Variants in ZNF548 observed in about 807,000 individuals in gnomAD.
ZNF548 encodes the protein zinc finger protein 548.
Under a neutral mutation model 10.2 loss-of-function variants are expected in ZNF548, and 10 were observed. The ratio of observed to expected loss-of-function variants is 0.98; its 90% CI spans 0.60 to 1.66. ZNF548 has a LOEUF of 1.66. Among genes scored for constraint, ZNF548 ranks in the 40% most tolerant of loss-of-function variants. The pLI is 0.00. For missense variants in ZNF548, 599 were observed against 657.0 expected (o/e 0.91, Z 0.97); for synonymous variants, 217 against 223.5 (o/e 0.97, Z 0.26).
chr19:57,391,323 G>T (rs2088623144), intron 1 of ZNF548, among the ~76,000 whole-genome samples: 1 of 149,216 alleles, frequency 6.7e-6, no homozygotes, highest in African/African-American at 2.5e-5. Context: ...TGGCCTAGTG[G>T]TATTACCTTG....
rs2088682968 is a variant in ZNF548 at position 57,398,456 on chromosome 19, G to A, written c.205G>A (p.Glu69Lys). 1.2e-6 allele frequency: 2 copies of A among 1,613,982 alleles called. No individual in the cohort carries two copies. Among genetic ancestry groups the A allele is most frequent in the Non-Finnish European group, 1.7e-6 (2 of 1,179,870 alleles). Residue 69 changes from glutamate (E) to lysine (K), a missense_variant, in exon 4 of 4, where the codon GAG becomes AAG. Transcript: ENST00000336128. ...LGSWHGAEDE[E>K]APSQQGFSVG... is the part of the protein sequence containing the mutation. ...TTCTTGGCATGGAGCTGAGGATGAG[G>A]AGGCACCTTCACAGCAAGGTTTTTC...
chr19:57,389,898 TG>T lies in ZNF548; in HGVS notation c.-200del. 1.8e-6 allele frequency: 1 copy of T among 569,210 alleles called. No homozygotes were observed. Among genetic ancestry groups the T allele is most frequent in the Non-Finnish European group, 3.0e-6 (1 of 332,010 alleles). The allele number at this position is 569,210 out of a possible 1,614,324, so 35.3% of individuals were successfully genotyped here. A position where few individuals can be genotyped will look rare whatever the true frequency, so the allele number is the denominator to read the frequency against. On this transcript the variant is annotated 5_prime_UTR_variant, in exon 1 of 4. Coordinates refer to ENST00000336128, the MANE Select transcript of ZNF548 (RefSeq NM_001172773.2). ...TGGTGGTGGTCGTTTTGGTTCTGTG[TG>T]GTGTTTCACCAACTTCGGCCTATGG...
At chr19:57,391,241 C>T (rs529814920) in intron 1 of ZNF548, among the ~76,000 whole-genome samples, 2 of 150,282 alleles carry the variant, frequency 1.3e-5, no homozygotes, top group East Asian at 3.9e-4. Context: ...TGAGTTGTTT[C>T]ATTTAATAAT....
chr19:57,402,733 A>C lies in ZNF548; in HGVS notation c.*2844A>C, dbSNP rs1297893193. On this transcript the variant is annotated 3_prime_UTR_variant, in exon 4 of 4. Transcript: ENST00000336128. ...GTTAACATGATAACTCAGTAGAGCA[A>C]TGCTTTGGAGATTAGCTTTTTAGGG... 6.6e-6 allele frequency: 1 copy of C among 152,210 alleles called. No homozygotes were observed. Among genetic ancestry groups the C allele is most frequent in the East Asian group, 1.9e-4 (1 of 5,200 alleles). 9.4% of individuals were successfully genotyped at this position (152,210 alleles called of 1,614,324 possible).
chr19:57,389,897 G>T lies in ZNF548; in HGVS notation c.-203G>T. ...CTGGTGGTGGTCGTTTTGGTTCTGT[G>T]TGGTGTTTCACCAACTTCGGCCTAT... On this transcript the variant is annotated 5_prime_UTR_variant, in exon 1 of 4. Transcript: ENST00000336128. 1 of 566,776 alleles carries T rather than the reference G, an allele frequency of 1.8e-6. No homozygotes were observed. 35.1% of individuals were successfully genotyped at this position (566,776 alleles called of 1,614,324 possible). A position where few individuals can be genotyped will look rare whatever the true frequency, so the allele number is the denominator to read the frequency against.
intron 1 of ZNF548, among the ~76,000 whole-genome samples, chr19:57,391,080 C>A (rs910807015): frequency 1.3e-5 from 2 of 152,108 alleles, no homozygotes; most frequent in Non-Finnish European, 1.5e-5. Context: ...ACATTGTATC[C>A]ATTAAGTAAT....
chr19:57,394,192 C>T lies in ZNF548; in HGVS notation c.20C>T (p.Pro7Leu). 6.2e-7 allele frequency: 1 copy of T among 1,604,196 alleles called. No individual in the cohort carries two copies. The highest frequency in any genetic ancestry group is 8.5e-7 in the Non-Finnish European group (1 of 1,179,368). Residue 7 changes from proline (P) to leucine (L), a missense_variant, in exon 2 of 4, where the codon CCC (proline) becomes CTC (leucine). Coordinates refer to ENST00000336128, the MANE Select transcript of ZNF548 (RefSeq NM_001172773.2). ...ACGGCCTTTCTCTTCCCTCAGGGTCCCCTGGCGATGGCAGAAATGGACCCT... is the reference window on the plus strand; with the variant it reads ...ACGGCCTTTCTCTTCCCTCAGGGTCTCCTGGCGATGGCAGAAATGGACCCT... MNLTEG[P>L]LAMAEMDPTQ...
At position 57,400,093 on chromosome 19, in the gene ZNF548, T is replaced by A. The variant is rs2088703207; in HGVS notation, c.*204T>A. ...AGGTACCAATAGATATCTATGAATTTGATATATATTTGTACCTCATATAAG... is the reference window on the plus strand; with the variant it reads ...AGGTACCAATAGATATCTATGAATTAGATATATATTTGTACCTCATATAAG... On this transcript the variant is annotated 3_prime_UTR_variant, in exon 4 of 4. Coordinates refer to ENST00000336128, the MANE Select transcript of ZNF548 (RefSeq NM_001172773.2). 5.7e-6 allele frequency: 3 copies of A among 523,692 alleles called. No individual in the cohort carries two copies. Among genetic ancestry groups the A allele is most frequent in the African/African-American group, 5.7e-5 (3 of 52,980 alleles). 32.4% of individuals were successfully genotyped at this position (523,692 alleles called of 1,614,324 possible).
Position 57,398,906 on chromosome 19 carries a change from A to G in ZNF548, c.655A>G (p.Thr219Ala). ...YKCSECGKTFTCSYSFVEHQK... is the reference protein window; with the variant it reads ...YKCSECGKTFACSYSFVEHQK... ...ATGTAGTGAATGTGGGAAAACCTTC[A>G]CCTGCAGCTATTCATTTGTTGAGCA... The change falls in exon 4 of 4, where the codon ACC (threonine) becomes GCC (alanine). Residue 219 changes from threonine to alanine, a missense_variant. Coordinates refer to ENST00000336128, the MANE Select transcript of ZNF548 (RefSeq NM_001172773.2). 6.2e-7 allele frequency: 1 copy of G among 1,614,056 alleles called. No homozygotes were observed. The highest frequency in any genetic ancestry group is 8.5e-7 in the Non-Finnish European group (1 of 1,179,904).
At position 57,401,147 on chromosome 19, in the gene ZNF548, C is replaced by T. The variant is rs1437640894; in HGVS notation, c.*1258C>T. 2.0e-5 allele frequency: 3 copies of T among 152,118 alleles called. No homozygotes were observed. The highest frequency in any genetic ancestry group is 2.0e-4 in the Admixed American group (3 of 15,284). 9.4% of individuals were successfully genotyped at this position (152,118 alleles called of 1,614,324 possible). ...TGCTTTTTACATATTACCTCCCAGTCCATAGGTTGCTTTTTCGCTCTGTTG... is the reference window on the plus strand; with the variant it reads ...TGCTTTTTACATATTACCTCCCAGTTCATAGGTTGCTTTTTCGCTCTGTTG... On this transcript the variant is annotated 3_prime_UTR_variant, in exon 4 of 4. Transcript: ENST00000336128.
chr19:57,392,805 G>A (rs2088636254), intron 1 of ZNF548: 2 of 985,488 alleles, frequency 2.0e-6, no homozygotes, highest in South Asian at 9.4e-5. Context: ...TTTCAGGTGG[G>A]CTCTGTGTTG....
chr19:57,393,919 A>C (rs1205029986), intron 1 of ZNF548: 10 of 557,452 alleles, frequency 1.8e-5, no homozygotes, highest in Non-Finnish European at 3.1e-5. Context: ...GCTGATATAT[A>C]TAGTACATGC....
At chr19:57,396,369 C>T (rs1368296021) in intron 2 of ZNF548, among the ~76,000 whole-genome samples, 1 of 152,182 alleles carries the variant, frequency 6.6e-6, no homozygotes, top group Non-Finnish European at 1.5e-5. Flanking sequence ...TCTGTTTCCT[C>T]TGTGTGCTGG....
chr19:57,398,331 A>T, intron 3 of ZNF548, 99 bp from the exon 4 acceptor site: 1 of 1,551,726 alleles, frequency 6.4e-7, no homozygotes, highest in South Asian at 1.2e-5. Context: ...CCCCAATCCC[A>T]TGGCCTTATT....
Position 57,401,168 on chromosome 19 carries a change from T to C in ZNF548, c.*1279T>C, listed in dbSNP as rs1420540734. 3 of 152,246 alleles carry C rather than the reference T, an allele frequency of 2.0e-5. No individual in the cohort carries two copies. Among genetic ancestry groups the C allele is most frequent in the African/African-American group, 7.2e-5 (3 of 41,454 alleles). 9.4% of individuals were successfully genotyped at this position (152,246 alleles called of 1,614,324 possible). ...CAGTCCATAGGTTGCTTTTTCGCTC[T>C]GTTGATTGTGTCCTTTGATGAAATT... On this transcript the variant is annotated 3_prime_UTR_variant, in exon 4 of 4. Coordinates refer to ENST00000336128, the MANE Select transcript of ZNF548 (RefSeq NM_001172773.2).
At chr19:57,390,217 C>T (rs895231889) in intron 1 of ZNF548, 103 bp downstream of exon 1, 11 of 1,373,348 alleles carry the variant, frequency 8.0e-6, no homozygotes, top group Admixed American at 4.3e-5. Context: ...AAGAGAGGGG[C>T]GTTCCTGTGT....
chr19:57,392,707 C>A, intron 1 of ZNF548: 1 of 876,040 alleles, frequency 1.1e-6, no homozygotes, highest in Non-Finnish European at 1.4e-6. Flanking sequence ...CTATTTCTAT[C>A]CATTACCATG....
chr19:57,390,011 T>C lies in ZNF548; in HGVS notation c.-89T>C. ...CACGGAGAGGCGGGAGTGAGTCAAC[T>C]GACAAGCGCTGGGGACAGTGGCGTC... On this transcript the variant is annotated 5_prime_UTR_variant, in exon 1 of 4. Coordinates refer to ENST00000336128, the MANE Select transcript of ZNF548 (RefSeq NM_001172773.2). The C allele has an allele frequency of 6.8e-7, 1 of 1,477,626 alleles. No homozygotes were observed. The highest frequency in any genetic ancestry group is 2.4e-5 in the East Asian group (1 of 42,246). The allele number at this position is 1,477,626 out of a possible 1,614,324, so 91.5% of individuals were successfully genotyped here. A position where few individuals can be genotyped will look rare whatever the true frequency, so the allele number is the denominator to read the frequency against.
chr19:57,391,856 C>T (rs1411490720), intron 1 of ZNF548, among the ~76,000 whole-genome samples: 7 of 137,838 alleles, frequency 5.1e-5, no homozygotes, highest in South Asian at 2.3e-4. Context: ...TGCAGTGGCG[C>T]GATCTCGGCT....
Sources: gnomAD v4.1 joint callset for allele counts (sites outside exome capture counted in the v4.1 genomes callset) on GRCh38, gnomAD v4.1.1 for gene constraint, MANE v1.5 for transcripts, NCBI Gene and HGNC (gene_info 2026-07-23, HGNC 2026-07-21) for gene names.